SEC24D: variants seen among roughly 807,000 people sequenced by gnomAD.
SEC24D encodes SEC24 homolog D, COPII component, also known as protein transport protein Sec24D.
SEC24D carries 69 observed loss-of-function variants against 116.9 expected under a neutral mutation model. That is an observed-to-expected ratio of 0.59 (90% confidence interval 0.49 to 0.72). The LOEUF is 0.72. Ranked by LOEUF, SEC24D falls within the 30% of genes least tolerant of loss-of-function variation. The pLI, the probability that SEC24D is intolerant of heterozygous loss-of-function variation, is 0.00. For synonymous variants in SEC24D, 405 were observed against 442.8 expected (o/e 0.91, Z 1.07); for missense variants, 1,131 against 1,264.1 (o/e 0.89, Z 1.60).
rs1030240346 is a variant in SEC24D at position 118,836,062 on chromosome 4, C to A, written c.-163G>T. 6.6e-6 allele frequency: 1 copy of A among 152,252 alleles called. No homozygotes were observed. The highest frequency in any genetic ancestry group is 2.1e-4 in the South Asian group (1 of 4,834). The allele number at this position is 152,252 out of a possible 1,614,324, so 9.4% of individuals were successfully genotyped here. On this transcript the variant is annotated 5_prime_UTR_variant, in exon 1 of 23. Coordinates refer to ENST00000280551, the MANE Select transcript of SEC24D (RefSeq NM_014822.4). ...TCTCCCGCCGCGCCTCTTCCCCGGCCGGCGTCCCCTTAGCCTGGACTCACG... is the reference window on the plus strand; with the variant it reads ...TCTCCCGCCGCGCCTCTTCCCCGGCAGGCGTCCCCTTAGCCTGGACTCACG...
At chr4:118,787,495 C>A (rs1030182920) in intron 8 of SEC24D, among the ~76,000 whole-genome samples, 1 of 152,204 alleles carries the variant, frequency 6.6e-6, no homozygotes, top group South Asian at 2.1e-4. Context: ...GCATAGTCTC[C>A]CAATCTTCAT....
intron 8 of SEC24D, among the ~76,000 whole-genome samples, chr4:118,777,940 C>T (rs1401677238): frequency 2.0e-5 from 3 of 152,148 alleles, no homozygotes; most frequent in African/African-American, 7.2e-5. Context: ...TATCCTTTGC[C>T]ACTTTTTGAT....
At chr4:118,810,113 TG>T (rs1353786646) in intron 6 of SEC24D, among the ~76,000 whole-genome samples, 16 of 149,020 alleles carry the variant, frequency 1.1e-4, no homozygotes, top group African/African-American at 3.7e-4. Context: ...TGTGTGTGTG[TG>T]TGTGTGTGTG....
chr4:118,775,226 T>G (rs1728076468), intron 8 of SEC24D, among the ~76,000 whole-genome samples: 1 of 151,680 alleles, frequency 6.6e-6, no homozygotes, highest in Non-Finnish European at 1.5e-5. Flanking sequence ...TAGTATCTCC[T>G]GTAGCACAAT....
At chr4:118,814,026 G>A (rs1041513431) in intron 6 of SEC24D, among the ~76,000 whole-genome samples, 1 of 152,220 alleles carries the variant, frequency 6.6e-6, no homozygotes, top group Non-Finnish European at 1.5e-5. Flanking sequence ...CACAGCATAA[G>A]TTAGCTAATA....
rs7676832 is a variant in SEC24D at position 118,768,567 on chromosome 4, G to A, written c.1042-256C>T. On this transcript the variant is annotated intron_variant, in intron 8 of 22. Coordinates refer to ENST00000280551, the MANE Select transcript of SEC24D (RefSeq NM_014822.4). ...CTGCCACCAAGCCTGGCTAATTTTT[G>A]TATTTTTAGTAGAGACGAGGTTTCG... 0.26 allele frequency among the ~76,000 whole-genome samples: 39,843 copies of A among 151,970 alleles called. 6,400 individuals are homozygous for A. The highest frequency in any genetic ancestry group is 0.45 in the East Asian group (2,320 of 5,152).
chr4:118,727,521 G>A (rs1725474443), intron 22 of SEC24D, among the ~76,000 whole-genome samples: 1 of 152,106 alleles, frequency 6.6e-6, no homozygotes. Flanking sequence ...GGATGCAGTT[G>A]CTGCAGCTGG....
rs750495264 is a variant in SEC24D at position 118,739,217 on chromosome 4, C to A, written c.2309G>T (p.Ser770Ile). The change falls in exon 18 of 23, where the codon AGC (serine) becomes ATC (isoleucine). Residue 770 changes from serine (S) to isoleucine (I), a missense_variant. Coordinates refer to ENST00000280551, the MANE Select transcript of SEC24D (RefSeq NM_014822.4). The stretch of plus-strand genomic sequence containing the variant: ...CTTATAAAGATCAGCTAGCTGAGAG[C>A]TGCAGTTTAAGCCAAGATTGTGAAT... ...LRIHNLGLNC[S>I]SQLADLYKSC... 1 of 1,613,602 alleles carries A rather than the reference C, an allele frequency of 6.2e-7. No individual in the cohort carries two copies. Among genetic ancestry groups the A allele is most frequent in the Non-Finnish European group, 8.5e-7 (1 of 1,179,578 alleles).
intron 22 of SEC24D, among the ~76,000 whole-genome samples, chr4:118,724,253 G>A (rs1725294134): frequency 6.6e-6 from 1 of 152,084 alleles, no homozygotes; most frequent in African/African-American, 2.4e-5. Context: ...GGGGTAGATT[G>A]GAGAGATGCT....
intron 2 of SEC24D, chr4:118,825,618 C>T (rs960274678): frequency 1.8e-5 from 8 of 455,946 alleles, no homozygotes; most frequent in Non-Finnish European, 3.1e-5. Flanking sequence ...CAGTTTTCTT[C>T]CTGTAAAATG....
chr4:118,818,816 A>G (rs1730264265), intron 3 of SEC24D, among the ~76,000 whole-genome samples: 1 of 152,242 alleles, frequency 6.6e-6, no homozygotes, highest in Non-Finnish European at 1.5e-5. Context: ...GCACAAGTAC[A>G]AGCTATCCTA....
chr4:118,779,230 G>A (rs2110484384), intron 8 of SEC24D, among the ~76,000 whole-genome samples: 1 of 152,246 alleles, frequency 6.6e-6, no homozygotes, highest in East Asian at 1.9e-4. Flanking sequence ...TATGATATTG[G>A]CTGTGGGTTT....
At chr4:118,771,721 T>C (rs1004786835) in intron 8 of SEC24D, among the ~76,000 whole-genome samples, 2 of 152,304 alleles carry the variant, frequency 1.3e-5, no homozygotes, top group African/African-American at 4.8e-5. Flanking sequence ...GACATCAAGA[T>C]GTATCCACCA....
At chr4:118,820,406 C>T (rs977704828) in intron 3 of SEC24D, among the ~76,000 whole-genome samples, 45 of 152,246 alleles carry the variant, frequency 3.0e-4, no homozygotes, top group African/African-American at 1.0e-3. Context: ...GTCTCAATCT[C>T]GTGACCTCGT....
intron 22 of SEC24D, 134 bp from the exon 23 acceptor site, chr4:118,723,789 G>C: frequency 1.1e-6 from 1 of 947,552 alleles, no homozygotes; most frequent in Non-Finnish European, 1.5e-6. Flanking sequence ...AGGATGATGG[G>C]AAAGTGCCTG....
intron 2 of SEC24D, among the ~76,000 whole-genome samples, chr4:118,828,283 G>T (rs1283262226): frequency 6.6e-6 from 1 of 151,974 alleles, no homozygotes; most frequent in African/African-American, 2.4e-5. Flanking sequence ...TAATTTATTT[G>T]CGTTTTTAGT....
chr4:118,727,489 T>C (rs298987), intron 22 of SEC24D, among the ~76,000 whole-genome samples: 92,754 of 151,816 alleles, frequency 0.61, 30,474 homozygotes, highest in Non-Finnish European at 0.73. Context: ...CTTGCCTCTT[T>C]TCTGCAAATG....
At chr4:118,800,795 G>A (rs546970940) in intron 7 of SEC24D, among the ~76,000 whole-genome samples, 16 of 152,240 alleles carry the variant, frequency 1.1e-4, no homozygotes, top group South Asian at 2.1e-4. Flanking sequence ...GAGGTTATGC[G>A]ACTTTCCAAA....
intron 4 of SEC24D, among the ~76,000 whole-genome samples, chr4:118,816,197 G>T (rs1006075808): frequency 2.7e-5 from 4 of 150,326 alleles, no homozygotes; most frequent in Non-Finnish European, 5.9e-5. Flanking sequence ...CCAAAGTGCT[G>T]GGATTATAGG....
Sources: gnomAD v4.1 joint callset for allele counts (sites outside exome capture counted in the v4.1 genomes callset) on GRCh38, gnomAD v4.1.1 for gene constraint, MANE v1.5 for transcripts, NCBI Gene and HGNC (gene_info 2026-07-23, HGNC 2026-07-21) for gene names.